THBS3: variants seen among roughly 807,000 people sequenced by gnomAD.
The protein encoded by THBS3 is thrombospondin-3.
THBS3 carries 78 observed loss-of-function variants against 118.3 expected under a neutral mutation model. The ratio of observed to expected loss-of-function variants is 0.66; its 90% CI spans 0.55 to 0.80. The LOEUF is 0.80. Among genes scored for constraint, THBS3 ranks in the 30% least tolerant of loss-of-function variants. The pLI, the probability that THBS3 is intolerant of heterozygous loss-of-function variation, is 0.00. For missense variants in THBS3, 1,057 were observed against 1,247.4 expected (o/e 0.85, Z 2.30); for synonymous variants, 427 against 475.3 (o/e 0.90, Z 1.32).
rs1669924302 is a variant in THBS3, at chr1:155,202,516, A to G, written c.958-115T>C. On this transcript the variant is annotated intron_variant, in intron 8 of 22. Coordinates refer to ENST00000368378, the MANE Select transcript of THBS3 (RefSeq NM_007112.5). This position sits in a 1 kb window ranked among gnomAD's most constrained non-coding sequence, Gnocchi z 5.5. ...CCCCTTTGTGCAGCTCTCCCCACAC[A>G]ACTGCCTTGTGCTCCTGGTCCCCAC... The G allele has an allele frequency of 7.0e-7, 1 of 1,435,348 alleles. No homozygotes were observed. Among genetic ancestry groups the G allele is most frequent in the East Asian group, 2.4e-5 (1 of 42,302 alleles). 88.9% of individuals were successfully genotyped at this position (1,435,348 alleles called of 1,614,324 possible).
intron 16 of THBS3, among the ~76,000 whole-genome samples, chr1:155,199,042 C>T (rs1190096998): frequency 6.6e-6 from 1 of 151,760 alleles, no homozygotes; most frequent in Non-Finnish European, 1.5e-5. Context: ...ATCGCTTGAA[C>T]CCTGGAGGTG....
upstream of THBS3, chr1:155,208,821 C>G (rs770105309): frequency 6.4e-7 from 1 of 1,565,748 alleles, no homozygotes; most frequent in Admixed American, 1.9e-5. Flanking sequence ...CTCGGGGGAC[C>G]CCCCCGCAGT....
At position 155,203,559 on chromosome 1, in the gene THBS3, A is replaced by G. The variant is rs776781330; in HGVS notation, c.647-20T>C. On this transcript the variant is annotated intron_variant, in intron 4 of 22. Coordinates refer to ENST00000368378, the MANE Select transcript of THBS3 (RefSeq NM_007112.5). ...TGGTCACTGGAGAGGAGAAGAAAAC[A>G]TAGTCAGAGGGGTGAGGTGAAGTGA... 47 of 1,613,106 alleles carry G rather than the reference A, an allele frequency of 2.9e-5. No homozygotes were observed. Among genetic ancestry groups the G allele is most frequent in the Middle Eastern group, 3.4e-4 (2 of 5,952 alleles).
At chr1:155,205,791 T>G (rs1481512833) in intron 2 of THBS3, among the ~76,000 whole-genome samples, 4 of 152,098 alleles carry the variant, frequency 2.6e-5, no homozygotes, top group African/African-American at 7.2e-5. Context: ...AAATAATTGG[T>G]TTAGAGACAA....
intron 16 of THBS3, 91 bp from the exon 17 acceptor site, chr1:155,198,693 T>C (rs1004979955): frequency 7.4e-5 from 99 of 1,337,144 alleles, no homozygotes; most frequent in Middle Eastern, 2.5e-4. Context: ...GAGCCTGCTC[T>C]CCATACAATC....
intron 16 of THBS3, among the ~76,000 whole-genome samples, chr1:155,199,167 T>C (rs1243813108): frequency 6.7e-6 from 1 of 149,868 alleles, no homozygotes; most frequent in East Asian, 1.9e-4. Flanking sequence ...TCCCAGCACT[T>C]TGGGAGGCTG....
At position 155,205,289 on chromosome 1, in the gene THBS3, C is replaced by T. The variant is rs1386951401; in HGVS notation, c.314G>A (p.Gly105Asp). Residue 105 changes from glycine (G) to aspartate (D), a missense_variant, in exon 3 of 23, where the codon GGC becomes GAC. Gly to Asp is a moderately conservative substitution (Grantham distance 94). Transcript: ENST00000368378. Reference sequence around the variant, plus strand: ...CTGTAGGTTCACGGCGTGGACTTTGCCATCCTCCCGCTGGTATCGCACCAG... The same window carrying T: ...CTGTAGGTTCACGGCGTGGACTTTGTCATCCTCCCGCTGGTATCGCACCAG... ...KVLVRYQRED[G>D]KVHAVNLQQA... 6.2e-7 allele frequency: 1 copy of T among 1,614,026 alleles called. No individual in the cohort carries two copies. Among genetic ancestry groups the T allele is most frequent in the Admixed American group, 1.7e-5 (1 of 60,024 alleles).
rs1315863742 is a variant in THBS3, at chr1:155,197,855, A to T, written c.2302+25T>A. ...TATAGGATTCCTCCATTTGGAAGTG[A>T]TTGAACTGCATATCCCTTACATACC... On this transcript the variant is annotated intron_variant, in intron 19 of 22. Coordinates refer to ENST00000368378, the MANE Select transcript of THBS3 (RefSeq NM_007112.5). This position sits in a 1 kb window ranked among gnomAD's most constrained non-coding sequence, Gnocchi z 5.0. 1 of 1,613,888 alleles carries T rather than the reference A, an allele frequency of 6.2e-7. No individual in the cohort carries two copies. The highest frequency in any genetic ancestry group is 2.2e-5 in the East Asian group (1 of 44,848).
rs927051064 is a variant in THBS3 at position 155,202,689 on chromosome 1, C to T, written c.957+123G>A. The stretch of plus-strand genomic sequence containing the variant: ...CTCTCCCATCTTGCATTTCTCTTGC[C>T]TCTGACCTCTCCTAAACTCCAGATT... On this transcript the variant is annotated intron_variant, in intron 8 of 22. Coordinates refer to ENST00000368378, the MANE Select transcript of THBS3 (RefSeq NM_007112.5). This position sits in a 1 kb window ranked among gnomAD's most constrained non-coding sequence, Gnocchi z 5.5. 7.7e-5 allele frequency: 108 copies of T among 1,397,876 alleles called. No individual in the cohort carries two copies. Among genetic ancestry groups the T allele is most frequent in the Non-Finnish European group, 6.0e-5 (62 of 1,033,978 alleles). 86.6% of individuals were successfully genotyped at this position (1,397,876 alleles called of 1,614,324 possible).
intron 4 of THBS3, 54 bp from the exon 5 acceptor site, chr1:155,203,593 C>T: frequency 1.2e-6 from 2 of 1,605,680 alleles, no homozygotes; most frequent in African/African-American, 1.3e-5. Flanking sequence ...GAAGAGAGGC[C>T]TGGTTGGTGA....
chr1:155,204,982 G>T, intron 3 of THBS3, 25 bp from the exon 4 acceptor site: 1 of 1,613,700 alleles, frequency 6.2e-7, no homozygotes, highest in Non-Finnish European at 8.5e-7. Context: ...GCAGAGTAAG[G>T]TGGGAAGGTC....
chr1:155,207,814 G>A lies in THBS3; in HGVS notation c.63C>T (p.Ala21=), dbSNP rs757930102. The change falls in exon 1 of 23, where the codon GCC becomes GCT. Residue 21 remains alanine (A), a synonymous_variant. Coordinates refer to ENST00000368378, the MANE Select transcript of THBS3 (RefSeq NM_007112.5). ...ALLLLCFFTS[A]SQDLQVIDLL... ...CAGGCTTACCCTGCAGATCCTGACT[G>A]GCAGATGTGAAAAAGCAAAGGAGGA... is the stretch of plus-strand genomic sequence containing the variant. 6 of 1,613,938 alleles carry A rather than the reference G, an allele frequency of 3.7e-6. No individual in the cohort carries two copies. The highest frequency in any genetic ancestry group is 5.1e-6 in the Non-Finnish European group (6 of 1,180,016).
At chr1:155,199,944 T>G (rs770686360) in intron 15 of THBS3, 51 bp downstream of exon 15, 1 of 1,610,204 alleles carries the variant, frequency 6.2e-7, no homozygotes, top group South Asian at 1.1e-5. Flanking sequence ...GGGCTGGGGC[T>G]TCATCCATCA....
At position 155,200,071 on chromosome 1, in the gene THBS3, G is replaced by T; in HGVS notation, c.1751C>A (p.Pro584Gln). ...GTCCTCATCCCTGTCTGTCTGTAGT[G>T]GGTTGGGGACTTTAGGGCAATTGTC... ...GLDNCPKVPNPLQTDRDEDGV... is the reference protein window; with the variant it reads ...GLDNCPKVPNQLQTDRDEDGV... Residue 584 changes from proline (P) to glutamine (Q), a missense_variant, in exon 15 of 23, where the codon CCA (proline) becomes CAA (glutamine). Pro to Gln is a moderately conservative substitution (Grantham distance 76). Coordinates refer to ENST00000368378, the MANE Select transcript of THBS3 (RefSeq NM_007112.5). 1 of 1,597,278 alleles carries T rather than the reference G, an allele frequency of 6.3e-7. No individual in the cohort carries two copies. The highest frequency in any genetic ancestry group is 8.5e-7 in the Non-Finnish European group (1 of 1,171,500).
At position 155,198,495 on chromosome 1, in the gene THBS3, T is replaced by C; in HGVS notation, c.1988A>G (p.Asp663Gly). The C allele has an allele frequency of 1.2e-6, 2 of 1,614,218 alleles. No homozygotes were observed. The highest frequency in any genetic ancestry group is 1.7e-6 in the Non-Finnish European group (2 of 1,180,022). The change falls in exon 17 of 23, where the codon GAT (aspartate) becomes GGT (glycine). Residue 663 changes from aspartate (D) to glycine (G), a missense_variant. This residue lies in a region of THBS3 where 544 missense variants were observed against 715.6 expected (regional missense o/e 0.76). Coordinates refer to ENST00000368378, the MANE Select transcript of THBS3 (RefSeq NM_007112.5). ...ATAATCTGGGATGCCATCATTGTCATCATCCCCATCACACTCATCTCCAAG... is the reference window on the plus strand; with the variant it reads ...ATAATCTGGGATGCCATCATTGTCACCATCCCCATCACACTCATCTCCAAG... Reference protein sequence around the residue: ...DGLGDECDGDDDNDGIPDYVP... With the variant: ...DGLGDECDGDGDNDGIPDYVP...
chr1:155,209,049 G>T, upstream of THBS3: 1 of 1,541,744 alleles, frequency 6.5e-7, no homozygotes. Flanking sequence ...CTCTGGATGG[G>T]CCGGCGGCCG....
Position 155,197,281 on chromosome 1 carries a change from A to G in THBS3, c.2500-68T>C. On this transcript the variant is annotated intron_variant, in intron 20 of 22. Transcript: ENST00000368378. This position sits in a 1 kb window ranked among gnomAD's most constrained non-coding sequence, Gnocchi z 5.0. ...GAGTGAGGGGAGACAACAGGTCGGT[A>G]AGTGCAGGTGGGAAAGGGATTCAAG... 6.3e-7 allele frequency: 1 copy of G among 1,584,258 alleles called. No homozygotes were observed. The highest frequency in any genetic ancestry group is 8.6e-7 in the Non-Finnish European group (1 of 1,157,610).
At position 155,204,889 on chromosome 1, in the gene THBS3, ACACT is replaced by A. The variant is rs889662940; in HGVS notation, c.608_611del (p.Glu203ValfsTer13). On this transcript the variant is annotated frameshift_variant, in exon 4 of 23. Transcript: ENST00000368378. LOFTEE classifies it high-confidence loss of function. ...GGATGGACTCGTCCCCTTGGAATGG[ACACT>A]CACTCAGGGCTCCTACCCGGGCCAT... is the stretch of plus-strand genomic sequence containing the variant. 3 of 1,613,828 alleles carry A rather than the reference ACACT, an allele frequency of 1.9e-6. No individual in the cohort carries two copies. The highest frequency in any genetic ancestry group is 1.3e-5 in the African/African-American group (1 of 74,896).
intron 10 of THBS3, 170 bp downstream of exon 10, chr1:155,201,787 A>G: frequency 9.4e-7 from 1 of 1,061,272 alleles, no homozygotes; most frequent in Non-Finnish European, 1.4e-6. Flanking sequence ...CCTGCTAAAG[A>G]GCTAGCAAGA....
Sources: allele counts gnomAD v4.1 joint callset (sites outside exome capture counted in the v4.1 genomes callset), GRCh38; gene constraint gnomAD v4.1.1; regional missense constraint gnomAD v4.1.1; non-coding constraint Gnocchi (gnomAD v3.1); transcripts MANE v1.5; gene names NCBI Gene and HGNC (gene_info 2026-07-23, HGNC 2026-07-21).